RBFOX1: variants seen among roughly 807,000 people sequenced by gnomAD.
RBFOX1 encodes RNA binding fox-1 homolog 1, also known as RNA binding protein fox-1 homolog 1.
RBFOX1 carries 8 observed loss-of-function variants against 57.7 expected under a neutral mutation model. The observed-to-expected ratio is 0.14, with a 90% CI of 0.08 to 0.25. The LOEUF (loss-of-function observed/expected upper bound fraction) is 0.25. RBFOX1 is among the 10% of genes least tolerant of loss of function. The pLI, the probability that RBFOX1 is intolerant of heterozygous loss-of-function variation, is 1.00. For synonymous variants in RBFOX1, 326 were observed against 222.4 expected (o/e 1.47, Z -4.15); for missense variants, 611 against 548.5 (o/e 1.11, Z -1.14).
At chr16:6,492,876 C>G (rs989317352) in intron 2 of RBFOX1, among the ~76,000 whole-genome samples, 1 of 152,182 alleles carries the variant, frequency 6.6e-6, no homozygotes, top group Non-Finnish European at 1.5e-5. Flanking sequence ...CAAACATACA[C>G]ATGCAATTGT....
intron 4 of RBFOX1, among the ~76,000 whole-genome samples, chr16:7,104,928 A>C (rs1249018252): frequency 6.6e-6 from 1 of 151,908 alleles, no homozygotes; most frequent in Non-Finnish European, 1.5e-5. Context: ...TATACTCAGA[A>C]ATCTCTGTGC....
intron 11 of RBFOX1, among the ~76,000 whole-genome samples, chr16:7,640,648 C>T (rs1253148667): frequency 6.6e-6 from 1 of 152,184 alleles, no homozygotes; most frequent in Non-Finnish European, 1.5e-5. Context: ...GGCAATTATT[C>T]TGGGGGAATT....
At chr16:5,351,083 A>G (rs1454769118) in intron 1 of RBFOX1, among the ~76,000 whole-genome samples, 1 of 151,974 alleles carries the variant, frequency 6.6e-6, no homozygotes, top group African/African-American at 2.4e-5. Flanking sequence ...AAGCAGGTTG[A>G]CCCCGGATAG....
At chr16:7,018,930 G>A (rs866783690) in intron 3 of RBFOX1, among the ~76,000 whole-genome samples, 28 of 152,106 alleles carry the variant, frequency 1.8e-4, no homozygotes, top group African/African-American at 6.5e-4. Context: ...ACCAGCCTGG[G>A]CAACACAGTG....
At chr16:5,960,951 C>T (rs1330540857) in intron 4 of RBFOX1, among the ~76,000 whole-genome samples, 1 of 152,130 alleles carries the variant, frequency 6.6e-6, no homozygotes, top group African/African-American at 2.4e-5. Flanking sequence ...AGGCTCCCTC[C>T]CAAGATGGCC....
At chr16:5,736,464 G>T (rs535661971) in intron 3 of RBFOX1, among the ~76,000 whole-genome samples, 1 of 152,136 alleles carries the variant, frequency 6.6e-6, no homozygotes, top group Non-Finnish European at 1.5e-5. Flanking sequence ...CCCAGCTTCT[G>T]CTGCGTTTCC....
intron 2 of RBFOX1, among the ~76,000 whole-genome samples, chr16:6,384,787 A>G (rs1221336850): frequency 3.3e-5 from 5 of 152,180 alleles, no homozygotes; most frequent in Non-Finnish European, 7.3e-5. Flanking sequence ...GTTTTCTCCG[A>G]TCTGATATAG....
intron 3 of RBFOX1, among the ~76,000 whole-genome samples, chr16:6,770,419 A>G (rs1287532859): frequency 2.6e-5 from 4 of 152,196 alleles, no homozygotes; most frequent in South Asian, 2.1e-4. Flanking sequence ...ATAAAGTTGT[A>G]TTATGTATAC....
Position 6,097,594 on chromosome 16 carries a change from T to C in RBFOX1, c.-127+77602T>C, listed in dbSNP as rs2096260754. 6.6e-6 allele frequency among the ~76,000 whole-genome samples: 1 copy of C among 152,172 alleles called. No individual in the cohort carries two copies. The highest frequency in any genetic ancestry group is 2.1e-4 in the South Asian group (1 of 4,826). On this transcript the variant is annotated intron_variant, in intron 1 of 15. Transcript: ENST00000550418. This position sits in a 1 kb window ranked among gnomAD's most constrained non-coding sequence, Gnocchi z 5.0. ...GCACAGGGAGACCTCACTTTCATTA[T>C]TCTCATTTCACAGATGAGAAAAATG...
chr16:7,494,445 G>T (rs577310217), intron 4 of RBFOX1, among the ~76,000 whole-genome samples: 1 of 152,058 alleles, frequency 6.6e-6, no homozygotes, highest in African/African-American at 2.4e-5. Context: ...TTCCTCCCAG[G>T]CTGGGTTTGA....
At chr16:6,295,926 C>G (rs2078049900) in intron 1 of RBFOX1, among the ~76,000 whole-genome samples, 1 of 152,166 alleles carries the variant, frequency 6.6e-6, no homozygotes, top group African/African-American at 2.4e-5. Context: ...AGCAGGACAC[C>G]TGATGTAACA....
chr16:7,529,220 C>G (rs564462435), intron 5 of RBFOX1, among the ~76,000 whole-genome samples: 1 of 152,256 alleles, frequency 6.6e-6, no homozygotes, highest in African/African-American at 2.4e-5. Flanking sequence ...GAGATCATGC[C>G]ACCACACTCC....
chr16:6,179,712 A>G lies in RBFOX1; in HGVS notation c.-126-137283A>G, dbSNP rs528174965. On this transcript the variant is annotated intron_variant, in intron 1 of 15. Transcript: ENST00000550418. ...CCTATTATTATTGTTGTTATTGTTAATATTTATACATCTATTGGTATAAGG... is the reference window on the plus strand; with the variant it reads ...CCTATTATTATTGTTGTTATTGTTAGTATTTATACATCTATTGGTATAAGG... Among the ~76,000 whole-genome samples the G allele has an allele frequency of 2.6e-5, 4 of 152,286 alleles. No homozygotes were observed. In the East Asian group the frequency reaches 7.7e-4, roughly 29 times the overall value.
chr16:5,811,741 A>C (rs994482447), intron 3 of RBFOX1, among the ~76,000 whole-genome samples: 1 of 152,192 alleles, frequency 6.6e-6, no homozygotes, highest in Non-Finnish European at 1.5e-5. Context: ...GAGCCACCAC[A>C]CTAGGCCAGG....
chr16:5,976,512 C>T (rs2060066072), intron 4 of RBFOX1, among the ~76,000 whole-genome samples: 1 of 152,156 alleles, frequency 6.6e-6, no homozygotes. Flanking sequence ...GGGTGGTCCA[C>T]TTCCCTTAGG....
chr16:5,367,302 C>T (rs930849679), intron 1 of RBFOX1, among the ~76,000 whole-genome samples: 15 of 152,174 alleles, frequency 9.9e-5, no homozygotes, highest in Non-Finnish European at 1.8e-4. Context: ...TGCGGTTGCT[C>T]GCTCTGCAAC....
intron 4 of RBFOX1, among the ~76,000 whole-genome samples, chr16:5,948,169 T>A (rs989737082): frequency 1.3e-5 from 2 of 152,152 alleles, no homozygotes; most frequent in Non-Finnish European, 1.5e-5. Context: ...TATAGTAGCC[T>A]CTGTTTGCTA....
chr16:5,469,525 C>A (rs531423284), intron 2 of RBFOX1, among the ~76,000 whole-genome samples: 1 of 152,150 alleles, frequency 6.6e-6, no homozygotes, highest in Non-Finnish European at 1.5e-5. Flanking sequence ...ATTCATATAA[C>A]ATGAAGTTAG....
intron 3 of RBFOX1, among the ~76,000 whole-genome samples, chr16:6,795,023 C>G (rs897707154): frequency 1.3e-5 from 2 of 152,128 alleles, no homozygotes; most frequent in African/African-American, 2.4e-5. Flanking sequence ...GCTTAATTCT[C>G]TTTTCGTCAT....
Sources: allele counts gnomAD v4.1 joint callset (sites outside exome capture counted in the v4.1 genomes callset), GRCh38; gene constraint gnomAD v4.1.1; non-coding constraint Gnocchi (gnomAD v3.1); transcripts MANE v1.5; gene names NCBI Gene and HGNC (gene_info 2026-07-23, HGNC 2026-07-21).